ITIH5: variants seen among roughly 807,000 people sequenced by gnomAD.
ITIH5 encodes inter-alpha-trypsin inhibitor heavy chain H5.
In ITIH5, 65 loss-of-function variants were observed where a neutral mutation model predicts 77.5. The observed-to-expected ratio is 0.84, with a 90% CI of 0.69 to 1.03. The LOEUF (loss-of-function observed/expected upper bound fraction) is 1.03, where lower values mean the gene tolerates loss of function less well. ITIH5 is among the 50% of genes least tolerant of loss of function. ITIH5 has a pLI of 0.00. For synonymous variants in ITIH5, 525 were observed against 494.3 expected (o/e 1.06, Z -0.82); for missense variants, 1,208 against 1,213.1 (o/e 1.00, Z 0.06).
At chr10:7,605,261 C>A (rs1043665144) in intron 7 of ITIH5, among the ~76,000 whole-genome samples, 1 of 151,506 alleles carries the variant, frequency 6.6e-6, no homozygotes, top group Non-Finnish European at 1.5e-5. Context: ...TGGATCCAAT[C>A]CCCCTCTTCT....
At position 7,576,962 on chromosome 10, in the gene ITIH5, T is replaced by C; in HGVS notation, c.1469A>G (p.Tyr490Cys). 1 of 1,614,012 alleles carries C rather than the reference T, an allele frequency of 6.2e-7. No individual in the cohort carries two copies. The highest frequency in any genetic ancestry group is 1.3e-5 in the African/African-American group (1 of 75,022). Residue 490 changes from tyrosine (Y) to cysteine (C), a missense_variant, in exon 10 of 14, where the codon TAT becomes TGT. Physicochemically the swap from Tyr to Cys is radical, Grantham distance 194 (BLOSUM62 -2). Transcript: ENST00000397146. The stretch of plus-strand genomic sequence containing the variant: ...GGCCTGCACCACTGAGCTGGGGGGA[T>C]AATCGATGCGGATGTCAGAGAGGAG... ...TPLLSDIRID[Y>C]PPSSVVQATK...
chr10:7,570,004 C>G (rs1216523326), intron 11 of ITIH5: 3 of 450,970 alleles, frequency 6.7e-6, no homozygotes, highest in Non-Finnish European at 7.8e-6. Flanking sequence ...GACTTCAGGT[C>G]TTCTAAATTC....
rs1057241909 is a variant in ITIH5, at chr10:7,569,591, A to C, written c.2149+77T>G. ...TAAGGTGGCCCTTGGATCACTGGACATCCATCTGAAGAACAGAGGGGGATG... is the reference window on the plus strand; with the variant it reads ...TAAGGTGGCCCTTGGATCACTGGACCTCCATCTGAAGAACAGAGGGGGATG... On this transcript the variant is annotated intron_variant, in intron 12 of 13. Transcript: ENST00000397146. 1.0e-5 allele frequency: 9 copies of C among 888,056 alleles called. No homozygotes were observed. The African/African-American group carries it at 1.3e-4, about 13-fold the overall frequency. The allele number at this position is 888,056 out of a possible 1,614,324, so 55.0% of individuals were successfully genotyped here. A position where few individuals can be genotyped will look rare whatever the true frequency, so the allele number is the denominator to read the frequency against.
At chr10:7,598,636 T>C (rs573325537) in intron 7 of ITIH5, among the ~76,000 whole-genome samples, 2 of 152,346 alleles carry the variant, frequency 1.3e-5, no homozygotes, top group East Asian at 3.9e-4. Context: ...TATTGTGCTA[T>C]ATAATATCGC....
intron 2 of ITIH5, among the ~76,000 whole-genome samples, chr10:7,650,972 C>T (rs909967046): frequency 7.1e-6 from 1 of 141,710 alleles, no homozygotes; most frequent in African/African-American, 2.6e-5. Context: ...AGAAAACCCT[C>T]CCCCTCCCCC....
chr10:7,583,614 A>G (rs1030118814), intron 8 of ITIH5, among the ~76,000 whole-genome samples: 3 of 152,210 alleles, frequency 2.0e-5, no homozygotes, highest in Non-Finnish European at 4.4e-5. Context: ...GGTTATAGGT[A>G]TGAGCCACTG....
At chr10:7,637,600 G>A in intron 4 of ITIH5, 122 bp from the exon 5 acceptor site, 1 of 903,958 alleles carries the variant, frequency 1.1e-6, no homozygotes, top group Admixed American at 2.4e-5. Flanking sequence ...ACCCATGGGT[G>A]TGAGTGTGGG....
chr10:7,666,798 C>CT lies in ITIH5; in HGVS notation c.90+4dup. On this transcript the variant is annotated splice_donor_region_variant and intron_variant, in intron 1 of 13. Transcript: ENST00000397146. ...CGGGACCCGGCTCCCCTCGGCTCCA[C>CT]TTACCTGCTCCGAAGAGTGGCCCCA... is the stretch of plus-strand genomic sequence containing the variant. 6.2e-7 allele frequency: 1 copy of CT among 1,604,554 alleles called. No individual in the cohort carries two copies. Among genetic ancestry groups the CT allele is most frequent in the South Asian group, 1.1e-5 (1 of 90,060 alleles).
At chr10:7,630,649 G>A (rs775177495) in intron 5 of ITIH5, among the ~76,000 whole-genome samples, 14 of 152,140 alleles carry the variant, frequency 9.2e-5, no homozygotes, top group African/African-American at 1.4e-4. Flanking sequence ...TCCTTTGCTC[G>A]TATTTTAATT....
intron 2 of ITIH5, among the ~76,000 whole-genome samples, chr10:7,655,136 G>C (rs1172684181): frequency 2.0e-5 from 3 of 152,126 alleles, no homozygotes; most frequent in Non-Finnish European, 4.4e-5. Flanking sequence ...TTCACTCCAT[G>C]CACAGTGGTA....
At chr10:7,613,279 A>G (rs1588399525) in intron 7 of ITIH5, among the ~76,000 whole-genome samples, 1 of 151,878 alleles carries the variant, frequency 6.6e-6, no homozygotes, top group African/African-American at 2.4e-5. Context: ...AAGAACTTGT[A>G]GCCCATAATG....
intron 7 of ITIH5, among the ~76,000 whole-genome samples, chr10:7,600,095 G>A (rs1365410588): frequency 6.6e-6 from 1 of 152,150 alleles, no homozygotes; most frequent in Admixed American, 6.5e-5. Flanking sequence ...TAGATCTATG[G>A]GGAAGGAGGG....
At position 7,625,764 on chromosome 10, in the gene ITIH5, C is replaced by CAAA. The variant is rs376876834; in HGVS notation, c.653-8485_653-8483dup. Among the ~76,000 whole-genome samples, 68 of 117,924 alleles carry CAAA rather than the reference C, an allele frequency of 5.8e-4. 1 individual carries two copies. Among genetic ancestry groups the CAAA allele is most frequent in the African/African-American group, 2.0e-3 (66 of 32,262 alleles). The allele number at this position is 117,924 out of a possible 152,430, so 77.4% of individuals were successfully genotyped here. A position where few individuals can be genotyped will look rare whatever the true frequency, so the allele number is the denominator to read the frequency against. On this transcript the variant is annotated intron_variant, in intron 5 of 13. Transcript: ENST00000397146. ...TGGGTAACAGAGTGATATTCTGTCTCAAAAAAAAAAAAGAAAGAAAGAAAG... is the reference window on the plus strand; with the variant it reads ...TGGGTAACAGAGTGATATTCTGTCTCAAAAAAAAAAAAAAAGAAAGAAAGAAAG...
At chr10:7,609,907 A>G (rs1178239565) in intron 7 of ITIH5, among the ~76,000 whole-genome samples, 1 of 152,074 alleles carries the variant, frequency 6.6e-6, no homozygotes, top group African/African-American at 2.4e-5. Flanking sequence ...GAAAGACAAG[A>G]AAGTGGACAC....
chr10:7,580,147 G>A lies in ITIH5; in HGVS notation c.1109-83C>T, dbSNP rs1832520040. 11 of 1,180,542 alleles carry A rather than the reference G, an allele frequency of 9.3e-6. No homozygotes were observed. The East Asian group carries it at 1.8e-4, about 19-fold the overall frequency. 73.1% of individuals were successfully genotyped at this position (1,180,542 alleles called of 1,614,324 possible). A position where few individuals can be genotyped will look rare whatever the true frequency, so the allele number is the denominator to read the frequency against. ...TGCACTTTCTTTTTTTTGAGACGGA[G>A]TCTTGCTCTGTCACCCAGGCTGGAG... On this transcript the variant is annotated intron_variant, in intron 8 of 13. Coordinates refer to ENST00000397146, the MANE Select transcript of ITIH5 (RefSeq NM_030569.7).
In ITIH5 at chr10:7,597,044, C is replaced by CAAAAAAAAAAAAAAAAAAAAAAAAA. The variant is rs71383924; in HGVS notation, c.940-10976_940-10975insTTTTTTTTTTTTTTTTTTTTTTTTT. Among the ~76,000 whole-genome samples the CAAAAAAAAAAAAAAAAAAAAAAAAA allele has an allele frequency of 1.9e-4, 7 of 36,924 alleles. 1 individual carries two copies. Among genetic ancestry groups the CAAAAAAAAAAAAAAAAAAAAAAAAA allele is most frequent in the Admixed American group, 1.4e-3 (3 of 2,136 alleles). The allele number at this position is 36,924 out of a possible 152,430, so 24.2% of individuals were successfully genotyped here. On this transcript the variant is annotated intron_variant, in intron 7 of 13. Transcript: ENST00000397146. ...CTGGGTGCAGAGTGAGTCTCCAACT[C>CAAAAAAAAAAAAAAAAAAAAAAAAA]AAAAAAAAAAAAAAAAAAAATTCCA...
rs1181386537 is a variant in ITIH5 at position 7,562,049 on chromosome 10, C to T, written c.*1034G>A. On this transcript the variant is annotated 3_prime_UTR_variant, in exon 14 of 14. Coordinates refer to ENST00000397146, the MANE Select transcript of ITIH5 (RefSeq NM_030569.7). ...GTTTCCTGACTTTTTTTCTATCTGACATGAGGGAAGCTGGAAGTCCTAGAT... is the reference window on the plus strand; with the variant it reads ...GTTTCCTGACTTTTTTTCTATCTGATATGAGGGAAGCTGGAAGTCCTAGAT... 1 of 152,172 alleles carries T rather than the reference C, an allele frequency of 6.6e-6. No homozygotes were observed. The highest frequency in any genetic ancestry group is 2.4e-5 in the African/African-American group (1 of 41,428). 9.4% of individuals were successfully genotyped at this position (152,172 alleles called of 1,614,324 possible). A position where few individuals can be genotyped will look rare whatever the true frequency, so the allele number is the denominator to read the frequency against.
intron 2 of ITIH5, among the ~76,000 whole-genome samples, chr10:7,644,624 C>A (rs567348677): frequency 1.1e-4 from 10 of 92,364 alleles, no homozygotes; most frequent in African/African-American, 4.3e-4. Context: ...ACATATATAT[C>A]ACATATATCA....
At chr10:7,618,131 T>C (rs981992574) in intron 5 of ITIH5, 3 of 152,128 alleles carry the variant, frequency 2.0e-5, no homozygotes, top group African/African-American at 7.2e-5. Flanking sequence ...ACCTGGATCA[T>C]TTTTTGTTGT....
Sources: gnomAD v4.1 joint callset for allele counts (sites outside exome capture counted in the v4.1 genomes callset) on GRCh38, gnomAD v4.1.1 for gene constraint, MANE v1.5 for transcripts, NCBI Gene and HGNC (gene_info 2026-07-23, HGNC 2026-07-21) for gene names.